ARHGAP1: variants seen among roughly 807,000 people sequenced by gnomAD.
ARHGAP1 encodes the protein rho GTPase-activating protein 1.
Under a neutral mutation model 52.2 loss-of-function variants are expected in ARHGAP1, and 23 were observed. The ratio of observed to expected loss-of-function variants is 0.44; its 90% confidence interval spans 0.32 to 0.62. The LOEUF is 0.62. ARHGAP1 is among the 20% of genes least tolerant of loss of function. ARHGAP1 has a pLI of 0.05. For missense variants in ARHGAP1, 480 were observed against 560.9 expected (o/e 0.86, Z 1.46); for synonymous variants, 210 against 228.4 (o/e 0.92, Z 0.73).
Position 46,678,757 on chromosome 11 carries a change from C to T in ARHGAP1, c.*280G>A, listed in dbSNP as rs768700395. The T allele has an allele frequency of 4.4e-6, 2 of 458,474 alleles. No individual in the cohort carries two copies. The highest frequency in any genetic ancestry group is 3.9e-5 in the Admixed American group (1 of 25,642). The allele number at this position is 458,474 out of a possible 1,614,324, so 28.4% of individuals were successfully genotyped here. ...AAAAGCAGGAAAGGGGTTACTGGGG[C>T]TCAGTCCTTCTCCAGCTGGAAGAGC... On this transcript the variant is annotated 3_prime_UTR_variant, in exon 13 of 13. Coordinates refer to ENST00000311956, the MANE Select transcript of ARHGAP1 (RefSeq NM_004308.5).
chr11:46,679,837 G>T lies in ARHGAP1; in HGVS notation c.899-61C>A. On this transcript the variant is annotated intron_variant, in intron 10 of 12. Transcript: ENST00000311956. The surrounding 1 kb of genome is among the most constrained non-coding windows in gnomAD (Gnocchi z 4.4). ...GCCTGAAGGGCAGCACCCATCTGCA[G>T]ACAACGCGGGCCGCACTGCCTGACT... 6.2e-7 allele frequency: 1 copy of T among 1,604,652 alleles called. No homozygotes were observed. Among genetic ancestry groups the T allele is most frequent in the Non-Finnish European group, 8.5e-7 (1 of 1,177,552 alleles).
At chr11:46,692,459 T>C (rs1475516388) in intron 3 of ARHGAP1, among the ~76,000 whole-genome samples, 1 of 152,182 alleles carries the variant, frequency 6.6e-6, no homozygotes, top group East Asian at 1.9e-4. Context: ...GGCTGGCAGA[T>C]TTGAGGATTC....
chr11:46,679,977 C>G lies in ARHGAP1; in HGVS notation c.899-201G>C. 2 of 1,039,008 alleles carry G rather than the reference C, an allele frequency of 1.9e-6. No homozygotes were observed. Among genetic ancestry groups the G allele is most frequent in the Non-Finnish European group, 2.7e-6 (2 of 729,534 alleles). The allele number at this position is 1,039,008 out of a possible 1,614,324, so 64.4% of individuals were successfully genotyped here. On this transcript the variant is annotated intron_variant, in intron 10 of 12. Transcript: ENST00000311956. The surrounding 1 kb of genome is among the most constrained non-coding windows in gnomAD (Gnocchi z 4.4). ...GGCCATCTGGGGAAGTGGGGCCCGG[C>G]ACACCCCACCGTTATTCCTTGCCTC... is the stretch of plus-strand genomic sequence containing the variant.
chr11:46,695,925 C>T (rs376115632), intron 2 of ARHGAP1, 50 bp downstream of exon 2: 4 of 1,612,930 alleles, frequency 2.5e-6, no homozygotes, highest in Non-Finnish European at 8.5e-7. Context: ...AGAAGGAGTG[C>T]TTCCCCCTCT....
At chr11:46,685,587 AG>A (rs1251057970) in intron 4 of ARHGAP1, among the ~76,000 whole-genome samples, 1 of 151,576 alleles carries the variant, frequency 6.6e-6, no homozygotes, top group East Asian at 1.9e-4. Flanking sequence ...CGCCTCCCAA[AG>A]TGCTGAGATT....
In ARHGAP1 at chr11:46,680,567, C is replaced by A. The variant is rs552558916; in HGVS notation, c.744-4G>T. On this transcript the variant is annotated splice_region_variant and splice_polypyrimidine_tract_variant and intron_variant, in intron 8 of 12. Transcript: ENST00000311956. This position sits in a 1 kb window ranked among gnomAD's most constrained non-coding sequence, Gnocchi z 5.9. Reference sequence around the variant, plus strand: ...CTCTGGATTCTTCTCCTGGAGGCTGCGGGAAAAAGGCTGGTGAGCCGGGCC... The same window carrying A: ...CTCTGGATTCTTCTCCTGGAGGCTGAGGGAAAAAGGCTGGTGAGCCGGGCC... 40 of 1,613,830 alleles carry A rather than the reference C, an allele frequency of 2.5e-5. No homozygotes were observed. Among genetic ancestry groups the A allele is most frequent in the Non-Finnish European group, 3.2e-5 (38 of 1,179,932 alleles).
At chr11:46,682,446 G>C (rs1370831787) in intron 4 of ARHGAP1, among the ~76,000 whole-genome samples, 1 of 152,270 alleles carries the variant, frequency 6.6e-6, no homozygotes, top group Admixed American at 6.5e-5. Flanking sequence ...CACTTTGGGA[G>C]GCCAAGGCGG....
intron 3 of ARHGAP1, among the ~76,000 whole-genome samples, chr11:46,689,166 G>C (rs897547006): frequency 6.6e-6 from 1 of 151,978 alleles, no homozygotes; most frequent in Non-Finnish European, 1.5e-5. Flanking sequence ...TCCATGCAAT[G>C]GAATACTGTT....
Position 46,696,234 on chromosome 11 carries a change from GC to G in ARHGAP1, c.-49-79del. 1 of 977,368 alleles carries G rather than the reference GC, an allele frequency of 1.0e-6. No homozygotes were observed. Among genetic ancestry groups the G allele is most frequent in the Non-Finnish European group, 1.5e-6 (1 of 674,260 alleles). 60.5% of individuals were successfully genotyped at this position (977,368 alleles called of 1,614,324 possible). On this transcript the variant is annotated intron_variant, in intron 1 of 12. Transcript: ENST00000311956. This position sits in a 1 kb window ranked among gnomAD's most constrained non-coding sequence, Gnocchi z 4.8. ...TGCGACCTCCACCGCGTGCCCTCCTGCCCCCACCATTCCCTCTCCCAGGCTC... is the reference window on the plus strand; with the variant it reads ...TGCGACCTCCACCGCGTGCCCTCCTGCCCCACCATTCCCTCTCCCAGGCTC...
Position 46,679,408 on chromosome 11 carries a change from T to C in ARHGAP1, c.1088A>G (p.Glu363Gly). Residue 363 changes from glutamate to glycine, a missense_variant, in exon 12 of 13, where the codon GAG (glutamate) becomes GGG (glycine). By Grantham distance (98) the Glu-to-Gly change is moderately conservative. Transcript: ENST00000311956. The surrounding 1 kb of genome is among the most constrained non-coding windows in gnomAD (Gnocchi z 4.4). ...TLQVLQTLPE[E>G]NYQVLRFLTA... ...CAGGAAACGAAGCACCTGGTAGTTC[T>C]CCTCGGGCAGCGTCTGGAGGACCTG... The C allele has an allele frequency of 1.2e-6, 2 of 1,614,138 alleles. No homozygotes were observed. The highest frequency in any genetic ancestry group is 8.5e-7 in the Non-Finnish European group (1 of 1,180,028).
intron 1 of ARHGAP1, among the ~76,000 whole-genome samples, chr11:46,699,562 G>T (rs1454000320): frequency 6.6e-6 from 1 of 151,864 alleles, no homozygotes; most frequent in Non-Finnish European, 1.5e-5. Context: ...AATTAGCCGG[G>T]TGTGGTGGCG....
Position 46,679,712 on chromosome 11 carries a change from G to A in ARHGAP1, c.963C>T (p.Phe321=), listed in dbSNP as rs201440837. The change falls in exon 11 of 13, where the codon TTC becomes TTT. Residue 321 remains phenylalanine (F), a synonymous_variant. Coordinates refer to ENST00000311956, the MANE Select transcript of ARHGAP1 (RefSeq NM_004308.5). The surrounding 1 kb of genome is among the most constrained non-coding windows in gnomAD (Gnocchi z 4.4). Reference sequence around the variant, plus strand: ...GCAGGGGCTCAGGAAGCTCCCGGAGGAAGGTCTTGAGGATGACTGCTGGCA... The same window carrying A: ...GCAGGGGCTCAGGAAGCTCCCGGAGAAAGGTCTTGAGGATGACTGCTGGCA... The part of the protein sequence containing the change: ...LHLPAVILKT[F]LRELPEPLLT... 60 of 1,614,132 alleles carry A rather than the reference G, an allele frequency of 3.7e-5. 1 individual carries two copies. In the East Asian group the frequency reaches 1.3e-3, roughly 36 times the overall value.
At chr11:46,695,559 G>T in intron 3 of ARHGAP1, 101 bp downstream of exon 3, 1 of 1,258,504 alleles carries the variant, frequency 7.9e-7, no homozygotes, top group Non-Finnish European at 1.1e-6. Flanking sequence ...ACCAGGGCCA[G>T]CGGTCAGACT....
chr11:46,694,417 G>A (rs567248702), intron 3 of ARHGAP1, among the ~76,000 whole-genome samples: 78 of 152,048 alleles, frequency 5.1e-4, no homozygotes, highest in Non-Finnish European at 8.8e-4. Context: ...AGCACAGCGA[G>A]CCAGGACGGA....
At chr11:46,686,564 C>T (rs769093731) in intron 4 of ARHGAP1, among the ~76,000 whole-genome samples, 9 of 151,918 alleles carry the variant, frequency 5.9e-5, no homozygotes, top group Non-Finnish European at 1.2e-4. Flanking sequence ...TACAGGCGCC[C>T]GCCACCACGC....
Position 46,680,383 on chromosome 11 carries a change from C to T in ARHGAP1, c.821-101G>A, listed in dbSNP as rs1382185796. 29 of 1,575,444 alleles carry T rather than the reference C, an allele frequency of 1.8e-5. No individual in the cohort carries two copies. The highest frequency in any genetic ancestry group is 2.4e-5 in the Non-Finnish European group (27 of 1,146,642). Reference sequence around the variant, plus strand: ...GGTTCTAGGCAGGGCTGGGTGGGGACGTTGAGGCTTGCAGGACCTCCCTCT... The same window carrying T: ...GGTTCTAGGCAGGGCTGGGTGGGGATGTTGAGGCTTGCAGGACCTCCCTCT... On this transcript the variant is annotated intron_variant, in intron 9 of 12. Transcript: ENST00000311956. The surrounding 1 kb of genome is among the most constrained non-coding windows in gnomAD (Gnocchi z 5.9).
At chr11:46,692,019 G>C (rs2064618480) in intron 3 of ARHGAP1, among the ~76,000 whole-genome samples, 1 of 152,214 alleles carries the variant, frequency 6.6e-6, no homozygotes, top group African/African-American at 2.4e-5. Context: ...TGCAGAGGAG[G>C]TGCAGCTCCA....
intron 4 of ARHGAP1, chr11:46,686,995 G>C (rs2064574564): frequency 6.6e-6 from 1 of 152,368 alleles, no homozygotes; most frequent in South Asian, 2.1e-4. Context: ...GGACGCCCTG[G>C]GGTGGGTGTG....
chr11:46,695,305 G>A (rs1474932843), intron 3 of ARHGAP1: 2 of 365,028 alleles, frequency 5.5e-6, no homozygotes, highest in Non-Finnish European at 1.1e-5. Flanking sequence ...ATCCTCCCCA[G>A]TAACTGATAG....
Sources: allele counts gnomAD v4.1 joint callset (sites outside exome capture counted in the v4.1 genomes callset), GRCh38; gene constraint gnomAD v4.1.1; non-coding constraint Gnocchi (gnomAD v3.1); transcripts MANE v1.5; gene names NCBI Gene and HGNC (gene_info 2026-07-23, HGNC 2026-07-21).